Variants in DEAF1 observed in about 807,000 individuals in gnomAD.
DEAF1 encodes the protein DEAF1 transcription factor.
A neutral mutation model predicts 58.9 loss-of-function variants in DEAF1; 53 were observed. The ratio of observed to expected loss-of-function variants is 0.90; its 90% confidence interval spans 0.72 to 1.13. The LOEUF (loss-of-function observed/expected upper bound fraction) is 1.13. DEAF1 is among the 50% of genes most tolerant of loss of function. The pLI is 0.00. For missense variants in DEAF1, 685 were observed against 791.4 expected, an observed-to-expected ratio of 0.87 and a Z score of 1.61; for synonymous variants, 385 against 340.4, an observed-to-expected ratio of 1.13 and a Z score of -1.44.
At position 663,769 on chromosome 11, in the gene DEAF1, C is replaced by A. The variant is rs1276790559; in HGVS notation, c.1504-9718G>T. Among the ~76,000 whole-genome samples, 3 of 152,230 alleles carry A rather than the reference C, an allele frequency of 2.0e-5. 1 individual carries two copies. The highest frequency in any genetic ancestry group is 4.4e-5 in the Non-Finnish European group (3 of 68,040). The stretch of plus-strand genomic sequence containing the variant: ...TCTGGAGTGAATACCAGGCTTTTGG[C>A]CTTTCCTTCTCCATCTCCTCAGCAG... On this transcript the variant is annotated intron_variant, in intron 10 of 11. Coordinates refer to ENST00000382409, the MANE Select transcript of DEAF1 (RefSeq NM_021008.4).
intron 7 of DEAF1, among the ~76,000 whole-genome samples, chr11:680,729 A>G (rs1202053947): frequency 6.6e-6 from 1 of 152,224 alleles, no homozygotes; most frequent in Non-Finnish European, 1.5e-5. Flanking sequence ...GAAACAGCCC[A>G]GGACAAGGCC....
chr11:691,737 T>C, intron 1 of DEAF1, 139 bp from the exon 2 acceptor site: 1 of 726,958 alleles, frequency 1.4e-6, no homozygotes, highest in Non-Finnish European at 2.4e-6. Flanking sequence ...AACACTTCCA[T>C]GAACACGCTC....
intron 10 of DEAF1, among the ~76,000 whole-genome samples, chr11:663,604 C>T (rs1486065540): frequency 6.6e-6 from 1 of 151,950 alleles, no homozygotes; most frequent in Non-Finnish European, 1.5e-5. Context: ...AGCTTTTGGC[C>T]TTTCCTCCTC....
chr11:646,372 C>G (rs564093336), intron 11 of DEAF1: 4 of 152,324 alleles, frequency 2.6e-5, no homozygotes, highest in African/African-American at 9.6e-5. Context: ...CCCGCCCCTC[C>G]CGGGCCTCCA....
chr11:701,842 T>C (rs1861511988), intron 1 of DEAF1, among the ~76,000 whole-genome samples: 1 of 152,222 alleles, frequency 6.6e-6, no homozygotes, highest in Admixed American at 6.5e-5. Flanking sequence ...AAGGGTATGT[T>C]CTTGTACAAG....
At position 644,835 on chromosome 11, in the gene DEAF1, C is replaced by T. The variant is rs7116517; in HGVS notation, c.1594-181G>A. Reference sequence around the variant, plus strand: ...TGGGCTCTGCTCCAATACAGCCTTCCCCACACTCTCTTGGTTTGAGGAATT... The same window carrying T: ...TGGGCTCTGCTCCAATACAGCCTTCTCCACACTCTCTTGGTTTGAGGAATT... On this transcript the variant is annotated intron_variant, in intron 11 of 11. Coordinates refer to ENST00000382409, the MANE Select transcript of DEAF1 (RefSeq NM_021008.4). This position sits in a 1 kb window ranked among gnomAD's most constrained non-coding sequence, Gnocchi z 4.3. Among the ~76,000 whole-genome samples, 313 of 152,224 alleles carry T rather than the reference C, an allele frequency of 2.1e-3. 4 individuals carry two copies. Among genetic ancestry groups the T allele is most frequent in the African/African-American group, 6.8e-3 (281 of 41,524 alleles).
At chr11:653,514 T>C (rs1359665418) in intron 11 of DEAF1, among the ~76,000 whole-genome samples, 1 of 124,956 alleles carries the variant, frequency 8.0e-6, no homozygotes, top group Non-Finnish European at 1.6e-5. Flanking sequence ...TCTGCAGGGG[T>C]GTGGAGGGCT....
At chr11:670,750 T>C (rs990963676) in intron 10 of DEAF1, among the ~76,000 whole-genome samples, 11 of 136,082 alleles carry the variant, frequency 8.1e-5, no homozygotes, top group Non-Finnish European at 1.4e-4. Context: ...TTTTTTCCTT[T>C]TTAATTTCTT....
rs1447303502 is a variant in DEAF1 at position 691,617 on chromosome 11, CA to C, written c.290-20del. 3.1e-6 allele frequency: 5 copies of C among 1,611,192 alleles called. No homozygotes were observed. Among genetic ancestry groups the C allele is most frequent in the African/African-American group, 1.3e-5 (1 of 74,892 alleles). On this transcript the variant is annotated intron_variant, in intron 1 of 11. Coordinates refer to ENST00000382409, the MANE Select transcript of DEAF1 (RefSeq NM_021008.4). The stretch of plus-strand genomic sequence containing the variant: ...GTCACCTCTGCAACAGAAGGAGCCT[CA>C]TTTAACAAGCAACAAAAGCCAGAAT...
intron 1 of DEAF1, chr11:703,343 T>C: frequency 7.1e-7 from 1 of 1,399,044 alleles, no homozygotes. Flanking sequence ...CTGGAGGCCC[T>C]GGTGTTGGGA....
At chr11:699,933 C>A (rs1021221628), upstream of DEAF1, 2 of 553,906 alleles carry the variant, frequency 3.6e-6, no homozygotes, top group South Asian at 4.1e-5. Context: ...GGAGGGGGGT[C>A]CCACAAAGGC....
At chr11:682,675 G>A (rs1163975240) in intron 6 of DEAF1, among the ~76,000 whole-genome samples, 1 of 152,144 alleles carries the variant, frequency 6.6e-6, no homozygotes. Context: ...TCTGTGTGGG[G>A]GGCAGCAGCC....
chr11:692,448 G>C (rs1860875925), intron 1 of DEAF1: 1 of 154,328 alleles, frequency 6.5e-6, no homozygotes, highest in Non-Finnish European at 1.4e-5. Flanking sequence ...CAGAGTTCTA[G>C]AATGTCCTGT....
intron 2 of DEAF1, among the ~76,000 whole-genome samples, chr11:691,215 C>G (rs557212232): frequency 2.6e-5 from 4 of 152,366 alleles, no homozygotes; most frequent in African/African-American, 9.6e-5. Flanking sequence ...GAACTGTGGC[C>G]GGACAGCAGC....
chr11:679,901 T>C (rs1404199107), intron 7 of DEAF1, 85 bp from the exon 8 acceptor site: 3 of 1,582,052 alleles, frequency 1.9e-6, no homozygotes, highest in East Asian at 2.3e-5. Flanking sequence ...GCGCCAATCC[T>C]TGTGGGGGCC....
Position 678,735 on chromosome 11 carries a change from G to A in DEAF1, c.1214C>T (p.Pro405Leu), listed in dbSNP as rs1860193272. The A allele has an allele frequency of 4.3e-6, 7 of 1,614,056 alleles. No homozygotes were observed. Among genetic ancestry groups the A allele is most frequent in the Non-Finnish European group, 5.1e-6 (6 of 1,180,030 alleles). Residue 405 changes from proline (P) to leucine (L), a missense_variant, in exon 9 of 12, where the codon CCG (proline) becomes CTG (leucine). By Grantham distance (98) the Pro-to-Leu change is moderately conservative. Transcript: ENST00000382409. ...PGYQDSCQIA[P>L]FPEAALPTSH... is the part of the protein sequence containing the mutation. ...CGTTGGCAACGCAGCTTCTGGAAACGGTGCGATCTGGCAGCTGTCCTGATA... is the reference window on the plus strand; with the variant it reads ...CGTTGGCAACGCAGCTTCTGGAAACAGTGCGATCTGGCAGCTGTCCTGATA...
intron 4 of DEAF1, among the ~76,000 whole-genome samples, chr11:687,410 G>A (rs899112736): frequency 8.5e-5 from 13 of 152,240 alleles, no homozygotes; most frequent in African/African-American, 1.7e-4. Flanking sequence ...GTTCCTGGGC[G>A]CAGCCCTGTC....
intron 6 of DEAF1, among the ~76,000 whole-genome samples, chr11:681,535 C>T (rs951720722): frequency 6.6e-6 from 1 of 151,842 alleles, no homozygotes; most frequent in African/African-American, 2.4e-5. Flanking sequence ...CTCAACCTCC[C>T]GAGTAGCTGG....
In DEAF1 at chr11:665,386, C is replaced by T. The variant is rs967406677; in HGVS notation, c.1503+9150G>A. Among the ~76,000 whole-genome samples the T allele has an allele frequency of 4.6e-5, 7 of 152,184 alleles. No homozygotes were observed. The South Asian group carries it at 8.3e-4, about 18-fold the overall frequency. On this transcript the variant is annotated intron_variant, in intron 10 of 11. Coordinates refer to ENST00000382409, the MANE Select transcript of DEAF1 (RefSeq NM_021008.4). ...TCAAGTAATGGCTTTATGAATGACA[C>T]GTCCGATACACAGCTTTAGAGAAAG...
Sources: gnomAD v4.1 joint callset for allele counts (sites outside exome capture counted in the v4.1 genomes callset) on GRCh38, gnomAD v4.1.1 for gene constraint, Gnocchi (gnomAD v3.1) non-coding constraint, MANE v1.5 for transcripts, NCBI Gene and HGNC (gene_info 2026-07-23, HGNC 2026-07-21) for gene names.